The following FIRRM variants were observed in gnomAD, a reference collection of about 807,000 sequenced individuals.
The protein encoded by FIRRM is FIGNL1-interacting regulator of recombination and mitosis.
chr1:169,807,669 G>C, the FIRRM span: 1 of 823,086 alleles, frequency 1.2e-6, no homozygotes, highest in Non-Finnish European at 1.8e-6. Context: ...GTTATATTAT[G>C]TGATATATGA....
chr1:169,843,627 C>T, the FIRRM span: 2 of 878,862 alleles, frequency 2.3e-6, no homozygotes, highest in Non-Finnish European at 3.4e-6. Flanking sequence ...TATTATTATT[C>T]TTATGTGATT....
chr1:169,798,996 T>G, the FIRRM span: 2 of 898,182 alleles, frequency 2.2e-6, no homozygotes, highest in Non-Finnish European at 3.4e-6. Context: ...TGTACTTTGA[T>G]GTTAAGGTCC....
At chr1:169,799,832 C>T in the FIRRM span, among the ~76,000 whole-genome samples, 2 of 152,250 alleles carry the variant, frequency 1.3e-5, no homozygotes, top group African/African-American at 2.4e-5. Context: ...GGATTACAGG[C>T]GTGAGCCGCT....
chr1:169,826,441 C>T, the FIRRM span, among the ~76,000 whole-genome samples: 1 of 149,814 alleles, frequency 6.7e-6, no homozygotes, highest in African/African-American at 2.5e-5. Context: ...TGGCTCACAG[C>T]AACCTCTGCC....
At chr1:169,804,889 G>A in the FIRRM span, among the ~76,000 whole-genome samples, 1 of 152,092 alleles carries the variant, frequency 6.6e-6, no homozygotes, top group Non-Finnish European at 1.5e-5. Context: ...CACCGTGTTG[G>A]CCAGGCTGGT....
chr1:169,823,342 G>A, the FIRRM span: 3 of 892,546 alleles, frequency 3.4e-6, no homozygotes, highest in South Asian at 5.1e-5. Context: ...GCATACCTTT[G>A]TGAGATTATA....
At chr1:169,806,213 C>A in the FIRRM span, 1 of 614,678 alleles carries the variant, frequency 1.6e-6, no homozygotes, top group Non-Finnish European at 2.8e-6. Context: ...ACTGACACTG[C>A]TGTCTGATAA....
chr1:169,851,004 T>TTTG, the FIRRM span: 1 of 47,736 alleles, frequency 2.1e-5, no homozygotes, highest in South Asian at 9.7e-4. Context: ...TTTTTTTTTT[T>TTTG]TTATTTGGGC....
chr1:169,839,132 A>G, the FIRRM span, among the ~76,000 whole-genome samples: 8 of 152,112 alleles, frequency 5.3e-5, no homozygotes, highest in Non-Finnish European at 8.8e-5. Flanking sequence ...ATGACTGTAT[A>G]CTATTCCATG....
At chr1:169,853,235 G>A in the FIRRM span, 1 of 472,914 alleles carries the variant, frequency 2.1e-6, no homozygotes, top group Non-Finnish European at 3.7e-6. Flanking sequence ...TAGTCTAACT[G>A]TAAACAAATA....
the FIRRM span, among the ~76,000 whole-genome samples, chr1:169,806,824 C>A: frequency 2.0e-5 from 3 of 152,160 alleles, no homozygotes; most frequent in Non-Finnish European, 2.9e-5. Context: ...TTTCTCTGAA[C>A]GTTAGTTTGC....
chr1:169,793,566 T>C, the FIRRM span: 1 of 1,614,146 alleles, frequency 6.2e-7, no homozygotes, highest in Non-Finnish European at 8.5e-7. Flanking sequence ...TTTCTGTCCC[T>C]CTCTTCTCCT....
chr1:169,839,462 G>A, the FIRRM span, among the ~76,000 whole-genome samples: 1 of 152,124 alleles, frequency 6.6e-6, no homozygotes, highest in Admixed American at 6.5e-5. Flanking sequence ...ATTGTGACTG[G>A]TGTGAGATAG....
At chr1:169,849,151 A>ATATATAGT in the FIRRM span, among the ~76,000 whole-genome samples, 1 of 152,222 alleles carries the variant, frequency 6.6e-6, no homozygotes, top group African/African-American at 2.4e-5. Context: ...TTGAAATGGG[A>ATATATAGT]TATATAGTTA....
At chr1:169,808,991 T>C in the FIRRM span, among the ~76,000 whole-genome samples, 1 of 152,208 alleles carries the variant, frequency 6.6e-6, no homozygotes, top group African/African-American at 2.4e-5. Flanking sequence ...TGCAAGCTGA[T>C]ACAGGGAATT....
the FIRRM span, among the ~76,000 whole-genome samples, chr1:169,840,361 A>C: frequency 2.0e-5 from 3 of 152,132 alleles, no homozygotes; most frequent in Non-Finnish European, 4.4e-5. Flanking sequence ...ATGAGCATGG[A>C]ATGTTTTTCC....
the FIRRM span, chr1:169,830,395 A>G: frequency 7.1e-7 from 1 of 1,400,206 alleles, no homozygotes; most frequent in Non-Finnish European, 1.0e-6. Flanking sequence ...AGTGACTGAC[A>G]GTAGATAATT....
chr1:169,853,261 G>T, the FIRRM span: 1 of 413,962 alleles, frequency 2.4e-6, no homozygotes, highest in Non-Finnish European at 4.3e-6. Flanking sequence ...GCTGCCTAAG[G>T]AAACCTCAGC....
the FIRRM span, chr1:169,800,867 G>C: frequency 7.5e-7 from 1 of 1,324,862 alleles, no homozygotes. Flanking sequence ...TATAAAATTT[G>C]TTATTTGCTT....
Sources: gnomAD v4.1 joint callset for allele counts (sites outside exome capture counted in the v4.1 genomes callset) on GRCh38, gnomAD v4.1.1 for gene constraint, MANE v1.5 for transcripts, NCBI Gene and HGNC (gene_info 2026-07-23, HGNC 2026-07-21) for gene names.